SNTG1: variants seen among roughly 807,000 people sequenced by gnomAD.
SNTG1 encodes the protein gamma-1-syntrophin.
SNTG1 carries 39 observed loss-of-function variants against 74.7 expected under a neutral mutation model. The observed-to-expected ratio is 0.52, with a 90% CI of 0.40 to 0.68. The LOEUF (loss-of-function observed/expected upper bound fraction) is 0.68, where lower values mean the gene tolerates loss of function less well. SNTG1 is among the 30% of genes least tolerant of loss of function. SNTG1 has a pLI of 0.00. For missense variants in SNTG1, 685 were observed against 609.5 expected (o/e 1.12, Z -1.30); for synonymous variants, 254 against 217.1 (o/e 1.17, Z -1.49).
At chr8:50,717,378 A>C (rs1328668342) in intron 17 of SNTG1, among the ~76,000 whole-genome samples, 1 of 152,216 alleles carries the variant, frequency 6.6e-6, no homozygotes, top group African/African-American at 2.4e-5. Flanking sequence ...AAAGTTTTGT[A>C]ACTCAAAGTA....
Position 50,051,011 on chromosome 8 carries a change from A to G in SNTG1, c.-102-121550A>G, listed in dbSNP as rs560878620. ...GAAATTCTTCAACTTGATAAAAGGC[A>G]TCTATGAAAAATCCACATCTAATTC... On this transcript the variant is annotated intron_variant, in intron 1 of 18. Transcript: ENST00000642720. Among the ~76,000 whole-genome samples, 23 of 152,196 alleles carry G rather than the reference A, an allele frequency of 1.5e-4. No homozygotes were observed. In the South Asian group the frequency reaches 4.6e-3, roughly 30 times the overall value.
At chr8:50,768,006 G>C (rs1324082621) in intron 18 of SNTG1, among the ~76,000 whole-genome samples, 1 of 151,952 alleles carries the variant, frequency 6.6e-6, no homozygotes, top group Non-Finnish European at 1.5e-5. Context: ...AGTCATGCTA[G>C]TGCATTTTGT....
chr8:50,197,389 T>A (rs571864474), intron 2 of SNTG1, among the ~76,000 whole-genome samples: 1 of 152,310 alleles, frequency 6.6e-6, no homozygotes, highest in South Asian at 2.1e-4. Context: ...TAATGCTTTC[T>A]CATTCTATTG....
chr8:50,608,492 T>A (rs1240254128), intron 13 of SNTG1, among the ~76,000 whole-genome samples: 1 of 151,846 alleles, frequency 6.6e-6, no homozygotes, highest in African/African-American at 2.4e-5. Context: ...AAAATCTATT[T>A]TCTATGATGT....
chr8:50,404,399 G>A (rs1321024309), intron 4 of SNTG1, among the ~76,000 whole-genome samples: 1 of 152,034 alleles, frequency 6.6e-6, no homozygotes, highest in African/African-American at 2.4e-5. Flanking sequence ...GTGTGGATAT[G>A]TACAAGTTGA....
chr8:50,704,534 A>C (rs1423421834), intron 15 of SNTG1, 66 bp from the exon 16 acceptor site: 1 of 1,606,000 alleles, frequency 6.2e-7, no homozygotes, highest in Non-Finnish European at 8.5e-7. Flanking sequence ...TGGTCCAGTC[A>C]GGAATGGCCA....
intron 1 of SNTG1, among the ~76,000 whole-genome samples, chr8:50,002,029 C>T (rs1167192652): frequency 6.6e-6 from 1 of 152,122 alleles, no homozygotes; most frequent in Non-Finnish European, 1.5e-5. Context: ...CTGAGCGGCA[C>T]TTCACCTAAT....
At chr8:50,647,467 C>T (rs1027569367) in intron 13 of SNTG1, among the ~76,000 whole-genome samples, 9 of 151,808 alleles carry the variant, frequency 5.9e-5, no homozygotes, top group Non-Finnish European at 1.5e-5. Flanking sequence ...TATGTATACA[C>T]ACACACACAT....
At chr8:50,150,454 G>A (rs981130871) in intron 1 of SNTG1, among the ~76,000 whole-genome samples, 2 of 152,148 alleles carry the variant, frequency 1.3e-5, no homozygotes, top group Middle Eastern at 3.2e-3. Context: ...GTGAGAGAGG[G>A]CATCCCTGTC....
chr8:50,458,426 T>A (rs2093528450), intron 8 of SNTG1, among the ~76,000 whole-genome samples: 1 of 151,924 alleles, frequency 6.6e-6, no homozygotes, highest in Non-Finnish European at 1.5e-5. Flanking sequence ...CAAAATGGAA[T>A]AAAGTAGCAA....
chr8:50,591,014 T>C, intron 13 of SNTG1, 97 bp downstream of exon 13: 1 of 797,288 alleles, frequency 1.3e-6, no homozygotes, highest in Non-Finnish European at 1.9e-6. Context: ...CAGAAATAAT[T>C]GGTACTGTCA....
chr8:50,534,233 C>A (rs904766314), intron 10 of SNTG1, among the ~76,000 whole-genome samples: 3 of 152,126 alleles, frequency 2.0e-5, no homozygotes, highest in African/African-American at 7.2e-5. Flanking sequence ...CCTTTGCTGG[C>A]TGGGTGACTT....
chr8:49,942,496 CTTAAT>C (rs1808787691), intron 1 of SNTG1, among the ~76,000 whole-genome samples: 1 of 151,910 alleles, frequency 6.6e-6, no homozygotes, highest in African/African-American at 2.4e-5. Flanking sequence ...ACAGTTCCTA[CTTAAT>C]TTAAGTTTTC....
intron 17 of SNTG1, among the ~76,000 whole-genome samples, chr8:50,741,464 G>T (rs927029174): frequency 6.6e-6 from 1 of 151,966 alleles, no homozygotes; most frequent in Non-Finnish European, 1.5e-5. Flanking sequence ...GTAAGAAAAA[G>T]ATAATTTAAC....
intron 8 of SNTG1, among the ~76,000 whole-genome samples, chr8:50,487,418 G>A (rs572213650): frequency 6.6e-6 from 1 of 152,252 alleles, no homozygotes; most frequent in South Asian, 2.1e-4. Flanking sequence ...ATTCACAATA[G>A]CAAAGACTTG....
At chr8:50,744,724 GA>G (rs1347525791) in intron 17 of SNTG1, among the ~76,000 whole-genome samples, 1 of 151,920 alleles carries the variant, frequency 6.6e-6, no homozygotes, top group African/African-American at 2.4e-5. Flanking sequence ...GAATAGAATA[GA>G]GATCACAGAA....
chr8:50,376,396 T>A (rs2092381323), intron 2 of SNTG1, among the ~76,000 whole-genome samples: 1 of 152,140 alleles, frequency 6.6e-6, no homozygotes, highest in Non-Finnish European at 1.5e-5. Context: ...CAGTAGTATT[T>A]TTCACTTGCA....
chr8:50,675,860 C>T (rs74898690), intron 15 of SNTG1, among the ~76,000 whole-genome samples: 2,361 of 152,062 alleles, frequency 0.016, 49 homozygotes, highest in African/African-American at 0.052. Flanking sequence ...CTGGTGGTAA[C>T]GAAATCTCTC....
chr8:50,542,447 G>A (rs1164218131), intron 11 of SNTG1, among the ~76,000 whole-genome samples: 3 of 151,984 alleles, frequency 2.0e-5, no homozygotes, highest in Non-Finnish European at 4.4e-5. Context: ...ATGAGCCACC[G>A]CACCTGGCCA....
Sources: allele counts gnomAD v4.1 joint callset (sites outside exome capture counted in the v4.1 genomes callset), GRCh38; gene constraint gnomAD v4.1.1; transcripts MANE v1.5; gene names NCBI Gene and HGNC (gene_info 2026-07-23, HGNC 2026-07-21).